Variants in TRIM23 observed in about 807,000 individuals in gnomAD.
TRIM23 encodes tripartite motif containing 23.
Under a neutral mutation model 71.0 loss-of-function variants are expected in TRIM23, and 27 were observed. The ratio of observed to expected loss-of-function variants is 0.38; its 90% CI spans 0.28 to 0.52. The LOEUF (loss-of-function observed/expected upper bound fraction) is 0.52, where lower values mean the gene tolerates loss of function less well. Ranked by LOEUF, TRIM23 falls within the 20% of genes least tolerant of loss-of-function variation. The pLI, the probability that TRIM23 is intolerant of heterozygous loss-of-function variation, is 0.84. For missense variants in TRIM23, 482 were observed against 692.3 expected (o/e 0.70, Z 3.41); for synonymous variants, 234 against 238.0 (o/e 0.98, Z 0.16).
intron 1 of TRIM23, among the ~76,000 whole-genome samples, chr5:65,621,985 G>A (rs939833355): frequency 8.6e-5 from 13 of 151,662 alleles, no homozygotes; most frequent in Non-Finnish European, 1.3e-4. Flanking sequence ...GTGCCACTAC[G>A]CCTGGCTAAT....
Position 65,590,807 on chromosome 5 carries a change from A to C in TRIM23, c.*962T>G, listed in dbSNP as rs775584330. On this transcript the variant is annotated 3_prime_UTR_variant, in exon 11 of 11. Transcript: ENST00000231524. ...GGGAAACAGTTTGAAGTAAGTAATA[A>C]GCATTTGCCACTGTACTTACAACTT... The C allele has an allele frequency of 4.1e-4, 404 of 985,358 alleles. No individual in the cohort carries two copies. Among genetic ancestry groups the C allele is most frequent in the Non-Finnish European group, 4.7e-4 (388 of 830,000 alleles). 61.0% of individuals were successfully genotyped at this position (985,358 alleles called of 1,614,324 possible).
Position 65,594,538 on chromosome 5 carries a change from T to C in TRIM23, c.1528A>G (p.Ile510Val), listed in dbSNP as rs771277684. 6.2e-7 allele frequency: 1 copy of C among 1,609,808 alleles called. No individual in the cohort carries two copies. Among genetic ancestry groups the C allele is most frequent in the South Asian group, 1.1e-5 (1 of 89,790 alleles). ...EKELRDALLLIFANKQDVAGA... is the reference protein window; with the variant it reads ...EKELRDALLLVFANKQDVAGA... ...TGCATTACCTGTTTGTTAGCAAAAA[T>C]CAGGAGCAGAGCATCTCGGAGTTCT... Residue 510 changes from isoleucine to valine, a missense_variant, in exon 10 of 11, where the codon ATT becomes GTT. Ile to Val is a conservative substitution (Grantham distance 29). This residue lies in a region of TRIM23 where 307 missense variants were observed against 495.8 expected (regional missense o/e 0.62). Coordinates refer to ENST00000231524, the MANE Select transcript of TRIM23 (RefSeq NM_001656.4).
chr5:65,619,606 A>G (rs1306321150), intron 1 of TRIM23, among the ~76,000 whole-genome samples: 1 of 152,210 alleles, frequency 6.6e-6, no homozygotes, highest in Non-Finnish European at 1.5e-5. Context: ...CCATACAGTG[A>G]TAATTCATAA....
intron 1 of TRIM23, among the ~76,000 whole-genome samples, chr5:65,619,955 G>A (rs2150643904): frequency 6.6e-6 from 1 of 152,092 alleles, no homozygotes; most frequent in South Asian, 2.1e-4. Flanking sequence ...ATAGTGGTGG[G>A]CGCCTGTAAG....
Position 65,609,405 on chromosome 5 carries a change from A to G in TRIM23, c.882T>C (p.Asp294=). ...CTTGACGACACAGAGTTTCATGTAG[A>G]TCATAAAAATAAGCTCGAATACATG... is the stretch of plus-strand genomic sequence containing the variant. ...ARSCIRAYFY[D]LHETLCRQEE... is the part of the protein sequence containing the mutation. Residue 294 remains aspartate (D), a synonymous_variant, in exon 6 of 11, where the codon GAT becomes GAC. Coordinates refer to ENST00000231524, the MANE Select transcript of TRIM23 (RefSeq NM_001656.4). 1 of 1,614,166 alleles carries G rather than the reference A, an allele frequency of 6.2e-7. No homozygotes were observed. Among genetic ancestry groups the G allele is most frequent in the Non-Finnish European group, 8.5e-7 (1 of 1,180,030 alleles).
chr5:65,613,440 C>T lies in TRIM23; in HGVS notation c.366+658G>A, dbSNP rs137951714. Among the ~76,000 whole-genome samples the T allele has an allele frequency of 3.7e-3, 560 of 152,278 alleles. 3 individuals carry two copies. Among genetic ancestry groups the T allele is most frequent in the African/African-American group, 0.013 (529 of 41,552 alleles). On this transcript the variant is annotated intron_variant, in intron 3 of 10. Transcript: ENST00000231524. ...GCAAGTTGATCACCAAAATCATTAA[C>T]TGATATTTACTCCAAATATATTTTT...
chr5:65,597,342 C>T (rs2150623173), intron 7 of TRIM23, among the ~76,000 whole-genome samples, 162 bp from the exon 8 acceptor site: 1 of 149,942 alleles, frequency 6.7e-6, no homozygotes, highest in South Asian at 2.2e-4. Context: ...GAAATCCTTC[C>T]CCATGGCTAA....
At chr5:65,596,670 C>A in intron 8 of TRIM23, 139 bp from the exon 9 acceptor site, 2 of 631,730 alleles carry the variant, frequency 3.2e-6, no homozygotes, top group South Asian at 2.0e-5. Context: ...GCCTAATCAA[C>A]CCCATTCCTA....
intron 6 of TRIM23, 116 bp from the exon 7 acceptor site, chr5:65,605,161 T>C (rs1366940295): frequency 1.0e-6 from 1 of 964,048 alleles, no homozygotes; most frequent in Admixed American, 3.2e-5. Context: ...CAAAGTTAAA[T>C]GTAAATTTGA....
chr5:65,624,165 T>C, intron 1 of TRIM23, 29 bp downstream of exon 1: 1 of 1,613,824 alleles, frequency 6.2e-7, no homozygotes, highest in Non-Finnish European at 8.5e-7. Flanking sequence ...AGGCCGATGG[T>C]GGAGAATAGA....
At chr5:65,607,717 A>G (rs906129887) in intron 6 of TRIM23, among the ~76,000 whole-genome samples, 4 of 152,244 alleles carry the variant, frequency 2.6e-5, no homozygotes, top group African/African-American at 7.2e-5. Context: ...GTAACTATGA[A>G]CAAACTTTTT....
At position 65,590,173 on chromosome 5, in the gene TRIM23, A is replaced by G. The variant is rs1753979577; in HGVS notation, c.*1596T>C. 1.6e-6 allele frequency: 1 copy of G among 622,810 alleles called. No homozygotes were observed. The highest frequency in any genetic ancestry group is 1.9e-5 in the African/African-American group (1 of 52,760). The allele number at this position is 622,810 out of a possible 1,614,324, so 38.6% of individuals were successfully genotyped here. Reference sequence around the variant, plus strand: ...TCTTCAATTAACTAGTAAACAGTTCAAGTTCTCACAAGCAATACAACACCT... The same window carrying G: ...TCTTCAATTAACTAGTAAACAGTTCGAGTTCTCACAAGCAATACAACACCT... On this transcript the variant is annotated 3_prime_UTR_variant, in exon 11 of 11. Coordinates refer to ENST00000231524, the MANE Select transcript of TRIM23 (RefSeq NM_001656.4).
chr5:65,601,796 T>C (rs1161449009), intron 7 of TRIM23, among the ~76,000 whole-genome samples: 2 of 152,162 alleles, frequency 1.3e-5, no homozygotes, highest in Admixed American at 1.3e-4. Flanking sequence ...CAACACCACA[T>C]GGAAGCTGCC....
rs1244947833 is a variant in TRIM23, at chr5:65,604,899, A to G, written c.1179+12T>C. On this transcript the variant is annotated intron_variant, in intron 7 of 10. Coordinates refer to ENST00000231524, the MANE Select transcript of TRIM23 (RefSeq NM_001656.4). ...CAGAAAAAATACCTAAAAATAAAGT[A>G]CAGTACATTACCTTTGTAAAAGTGA... The G allele has an allele frequency of 1.3e-6, 2 of 1,599,936 alleles. No homozygotes were observed. The highest frequency in any genetic ancestry group is 1.3e-5 in the African/African-American group (1 of 74,442).
At chr5:65,606,526 T>A (rs1264137613) in intron 6 of TRIM23, among the ~76,000 whole-genome samples, 1 of 150,176 alleles carries the variant, frequency 6.7e-6, no homozygotes, top group Admixed American at 6.6e-5. Context: ...CTTCCTTACA[T>A]ATAATTCTCT....
intron 7 of TRIM23, among the ~76,000 whole-genome samples, chr5:65,600,129 C>T (rs1754321586): frequency 6.6e-6 from 1 of 152,136 alleles, no homozygotes; most frequent in African/African-American, 2.4e-5. Flanking sequence ...CCTATTATGG[C>T]AAAGACAGTA....
At position 65,591,485 on chromosome 5, in the gene TRIM23, C is replaced by A; in HGVS notation, c.*284G>T. ...ACTACCTCTTTCCCAGTATATTGGTCACATATTATCTGAAAAACTTAAATA... is the reference window on the plus strand; with the variant it reads ...ACTACCTCTTTCCCAGTATATTGGTAACATATTATCTGAAAAACTTAAATA... On this transcript the variant is annotated 3_prime_UTR_variant, in exon 11 of 11. Transcript: ENST00000231524. 1 of 1,584,120 alleles carries A rather than the reference C, an allele frequency of 6.3e-7. No homozygotes were observed. Among genetic ancestry groups the A allele is most frequent in the South Asian group, 1.2e-5 (1 of 84,760 alleles).
chr5:65,614,130 C>T lies in TRIM23; in HGVS notation c.334G>A (p.Ala112Thr), dbSNP rs1482863454. ...LQNGPIGQYG[A>T]AEESIGISGE... is the part of the protein sequence containing the mutation. ...GATATCCCAATGGATTCTTCTGCAG[C>T]TCCATACTGACCAATAGGCCCATTC... The change falls in exon 3 of 11, where the codon GCT becomes ACT. Residue 112 changes from alanine (A) to threonine (T), a missense_variant. Transcript: ENST00000231524. 6.2e-7 allele frequency: 1 copy of T among 1,614,058 alleles called. No homozygotes were observed. Among genetic ancestry groups the T allele is most frequent in the African/African-American group, 1.3e-5 (1 of 75,046 alleles).
chr5:65,595,260 A>C lies in TRIM23; in HGVS notation c.1421-615T>G, dbSNP rs1396977140. Among the ~76,000 whole-genome samples, 4 of 151,966 alleles carry C rather than the reference A, an allele frequency of 2.6e-5. No homozygotes were observed. In the East Asian group the frequency reaches 7.7e-4, roughly 29 times the overall value. On this transcript the variant is annotated intron_variant, in intron 9 of 10. Coordinates refer to ENST00000231524, the MANE Select transcript of TRIM23 (RefSeq NM_001656.4). Reference sequence around the variant, plus strand: ...CCTTATCTCTATTAAAAAAAAATTAAAAATTAGCTGAATGTGGCCGGGCGC... The same window carrying C: ...CCTTATCTCTATTAAAAAAAAATTACAAATTAGCTGAATGTGGCCGGGCGC...
Sources: allele counts gnomAD v4.1 joint callset (sites outside exome capture counted in the v4.1 genomes callset), GRCh38; gene constraint gnomAD v4.1.1; regional missense constraint gnomAD v4.1.1; transcripts MANE v1.5; gene names NCBI Gene and HGNC (gene_info 2026-07-23, HGNC 2026-07-21).